SYT9: variants seen among roughly 807,000 people sequenced by gnomAD.
SYT9 encodes synaptotagmin-9.
In SYT9, 22 loss-of-function variants were observed where a neutral mutation model predicts 48.4. That is an observed-to-expected ratio of 0.45 (90% confidence interval 0.32 to 0.65). SYT9 has a LOEUF of 0.65. Ranked by LOEUF, SYT9 falls within the 30% of genes least tolerant of loss-of-function variation. SYT9 has a pLI of 0.03. For synonymous variants in SYT9, 265 were observed against 245.0 expected, an observed-to-expected ratio of 1.08 and a Z score of -0.76; for missense variants, 577 against 622.0, an observed-to-expected ratio of 0.93 and a Z score of 0.77.
chr11:7,334,410 G>A (rs568667308), intron 3 of SYT9, among the ~76,000 whole-genome samples: 1 of 152,268 alleles, frequency 6.6e-6, no homozygotes, highest in South Asian at 2.1e-4. Flanking sequence ...CTCGCGTGTG[G>A]TTAATAGACA....
intron 1 of SYT9, among the ~76,000 whole-genome samples, chr11:7,257,342 A>G (rs1847991802): frequency 6.6e-6 from 1 of 152,150 alleles, no homozygotes; most frequent in Non-Finnish European, 1.5e-5. Flanking sequence ...CTCATTGAAC[A>G]TATCATAAGG....
chr11:7,324,601 TA>T (rs1849394542), intron 3 of SYT9, among the ~76,000 whole-genome samples: 1 of 152,002 alleles, frequency 6.6e-6, no homozygotes, highest in Non-Finnish European at 1.5e-5. Flanking sequence ...TTTTCATTTT[TA>T]TTTTTATCTA....
At chr11:7,323,044 T>G (rs978824951) in intron 3 of SYT9, among the ~76,000 whole-genome samples, 16 of 152,300 alleles carry the variant, frequency 1.1e-4, no homozygotes, top group African/African-American at 3.4e-4. Context: ...CAGCATGATT[T>G]TAGCATTCCA....
intron 3 of SYT9, among the ~76,000 whole-genome samples, chr11:7,402,532 T>G (rs924177845): frequency 2.0e-5 from 3 of 152,290 alleles, no homozygotes; most frequent in Admixed American, 2.0e-4. Flanking sequence ...GCATACACAT[T>G]TATAATTGTT....
intron 3 of SYT9, among the ~76,000 whole-genome samples, chr11:7,343,462 A>G (rs954388908): frequency 1.3e-5 from 2 of 152,216 alleles, no homozygotes; most frequent in Admixed American, 6.5e-5. Flanking sequence ...TCTCTTTGCT[A>G]AAACATAGCA....
At chr11:7,248,384 T>C (rs1479094238), upstream of SYT9, among the ~76,000 whole-genome samples, 1 of 152,196 alleles carries the variant, frequency 6.6e-6, no homozygotes, top group Non-Finnish European at 1.5e-5. Flanking sequence ...TTTGGGTTCT[T>C]GGTCACGAAA....
chr11:7,417,953 C>G lies in SYT9; in HGVS notation c.1166-4C>G. 1 of 1,613,022 alleles carries G rather than the reference C, an allele frequency of 6.2e-7. No homozygotes were observed. The highest frequency in any genetic ancestry group is 8.5e-7 in the Non-Finnish European group (1 of 1,179,376). ...AGTACTCCTGCTTCTCATGGTCTGTCCAGATCCCTATGTGAAAGTCTCGCT... is the reference window on the plus strand; with the variant it reads ...AGTACTCCTGCTTCTCATGGTCTGTGCAGATCCCTATGTGAAAGTCTCGCT... On this transcript the variant is annotated splice_region_variant and splice_polypyrimidine_tract_variant and intron_variant, in intron 4 of 6. Coordinates refer to ENST00000318881, the MANE Select transcript of SYT9 (RefSeq NM_175733.4).
At chr11:7,281,542 T>C (rs1462625122) in intron 1 of SYT9, among the ~76,000 whole-genome samples, 1 of 152,230 alleles carries the variant, frequency 6.6e-6, no homozygotes, top group East Asian at 1.9e-4. Context: ...GGGTATTCAG[T>C]TTGCAATTAA....
intron 6 of SYT9, among the ~76,000 whole-genome samples, chr11:7,462,778 G>T (rs1011466323): frequency 6.6e-6 from 1 of 152,036 alleles, no homozygotes; most frequent in African/African-American, 2.4e-5. Flanking sequence ...TTCCATTTTT[G>T]ACAAGCTTCT....
intron 6 of SYT9, among the ~76,000 whole-genome samples, 192 bp from the exon 7 acceptor site, chr11:7,466,599 TA>T (rs1227116365): frequency 6.6e-6 from 1 of 151,556 alleles, no homozygotes; most frequent in East Asian, 1.9e-4. Context: ...CGGGCACCTG[TA>T]ATCCCAGCTA....
chr11:7,259,040 C>T (rs563944737), intron 1 of SYT9, among the ~76,000 whole-genome samples: 35 of 152,112 alleles, frequency 2.3e-4, no homozygotes, highest in Admixed American at 5.2e-4. Context: ...TTCAGATAAA[C>T]GACAGGGAAT....
At chr11:7,316,062 T>G (rs1849237554) in intron 3 of SYT9, among the ~76,000 whole-genome samples, 1 of 115,882 alleles carries the variant, frequency 8.6e-6, no homozygotes, top group African/African-American at 3.0e-5. Flanking sequence ...TATTTGGGGT[T>G]GTGGGGTTTT....
chr11:7,359,044 C>G (rs1163492584), intron 3 of SYT9, among the ~76,000 whole-genome samples: 1 of 151,552 alleles, frequency 6.6e-6, no homozygotes, highest in Non-Finnish European at 1.5e-5. Context: ...TGTTCCCCTT[C>G]CTGTGTCCAT....
At chr11:7,453,329 AC>A (rs1405147174) in intron 6 of SYT9, among the ~76,000 whole-genome samples, 2 of 152,004 alleles carry the variant, frequency 1.3e-5, no homozygotes, top group African/African-American at 4.8e-5. Context: ...TGTTTCTGTA[AC>A]CCCTAGGAGC....
intron 3 of SYT9, among the ~76,000 whole-genome samples, chr11:7,357,609 A>T (rs1263617072): frequency 6.6e-6 from 1 of 152,094 alleles, no homozygotes; most frequent in Non-Finnish European, 1.5e-5. Flanking sequence ...ATCAGTTTAT[A>T]TTCCATCAAT....
intron 1 of SYT9, among the ~76,000 whole-genome samples, chr11:7,239,269 G>A (rs971064557): frequency 2.4e-4 from 37 of 152,088 alleles, no homozygotes; most frequent in African/African-American, 6.3e-4. Context: ...GGGGTGAACC[G>A]CCAAGATTCT....
intron 3 of SYT9, among the ~76,000 whole-genome samples, chr11:7,355,416 T>C (rs1850000974): frequency 6.6e-6 from 1 of 152,268 alleles, no homozygotes; most frequent in South Asian, 2.1e-4. Flanking sequence ...AGGGAAATGC[T>C]GTTGGAATTA....
At chr11:7,267,802 G>A (rs1480132059) in intron 1 of SYT9, among the ~76,000 whole-genome samples, 2 of 151,668 alleles carry the variant, frequency 1.3e-5, no homozygotes, top group Non-Finnish European at 3.0e-5. Flanking sequence ...ATAAAACCCA[G>A]GTGTGTCTTT....
At chr11:7,418,161 T>G (rs994564014) in intron 5 of SYT9, 33 bp downstream of exon 5, 2 of 1,606,280 alleles carry the variant, frequency 1.2e-6, no homozygotes, top group Non-Finnish European at 1.7e-6. Flanking sequence ...CCAGTGCAAG[T>G]TCACTGTGCC....
Sources: allele counts gnomAD v4.1 joint callset (sites outside exome capture counted in the v4.1 genomes callset), GRCh38; gene constraint gnomAD v4.1.1; transcripts MANE v1.5; gene names NCBI Gene and HGNC (gene_info 2026-07-23, HGNC 2026-07-21).